The following DSCAM variants were observed in gnomAD, a reference collection of about 807,000 sequenced individuals.
DSCAM encodes cell adhesion molecule DSCAM.
DSCAM carries 47 observed loss-of-function variants against 217.7 expected under a neutral mutation model. That is an observed-to-expected ratio of 0.22 (90% CI 0.17 to 0.28). DSCAM has a LOEUF of 0.28. Ranked by LOEUF, DSCAM falls within the 10% of genes least tolerant of loss-of-function variation. DSCAM has a pLI of 1.00. For synonymous variants in DSCAM, 1,056 were observed against 1,015.3 expected (o/e 1.04, Z -0.76); for missense variants, 2,080 against 2,618.3 (o/e 0.79, Z 4.49).
chr21:40,394,143 G>A (rs546527626), intron 3 of DSCAM, among the ~76,000 whole-genome samples: 1 of 152,268 alleles, frequency 6.6e-6, no homozygotes, highest in African/African-American at 2.4e-5. Flanking sequence ...TCTTGTGGGG[G>A]TCTAAATACA....
chr21:40,512,986 G>A (rs1410472419), intron 3 of DSCAM, among the ~76,000 whole-genome samples: 5 of 152,060 alleles, frequency 3.3e-5, no homozygotes, highest in African/African-American at 1.2e-4. Flanking sequence ...CGCAACCTCC[G>A]CCTCCCGTAT....
At chr21:40,714,936 G>A (rs2146495535) in intron 1 of DSCAM, among the ~76,000 whole-genome samples, 1 of 152,294 alleles carries the variant, frequency 6.6e-6, no homozygotes, top group East Asian at 1.9e-4. Flanking sequence ...TTCATGAATG[G>A]ATTATTGTCA....
At chr21:40,843,123 G>A (rs1194284439) in intron 1 of DSCAM, among the ~76,000 whole-genome samples, 1 of 152,190 alleles carries the variant, frequency 6.6e-6, no homozygotes, top group Non-Finnish European at 1.5e-5. Context: ...TCCTTAAGGT[G>A]CATTTGTATT....
chr21:40,639,947 C>T lies in DSCAM; in HGVS notation c.508+52863G>A, dbSNP rs572728831. Among the ~76,000 whole-genome samples the T allele has an allele frequency of 2.6e-5, 4 of 152,250 alleles. No homozygotes were observed. In the South Asian group the frequency reaches 6.2e-4, roughly 24 times the overall value. On this transcript the variant is annotated intron_variant, in intron 3 of 32. Transcript: ENST00000400454. ...GCCTTGTTCTACACGGGCTCCATAT[C>T]GATTCATGGAAGTGCCATGTGTTAA...
rs575511302 is a variant in DSCAM, at chr21:40,616,769, G to C, written c.508+76041C>G. On this transcript the variant is annotated intron_variant, in intron 3 of 32. Coordinates refer to ENST00000400454, the MANE Select transcript of DSCAM (RefSeq NM_001389.5). ...GCGGTGGCTCACGCCTGTAATCCCA[G>C]CACTTTGGGAGGCCGAGGCGAGCGG... Among the ~76,000 whole-genome samples the C allele has an allele frequency of 4.5e-3, 689 of 152,246 alleles. 8 individuals are homozygous for C. Among genetic ancestry groups the C allele is most frequent in the African/African-American group, 0.016 (647 of 41,572 alleles).
chr21:40,640,095 G>C (rs1181467679), intron 3 of DSCAM, among the ~76,000 whole-genome samples: 2 of 148,280 alleles, frequency 1.3e-5, no homozygotes, highest in Admixed American at 1.4e-4. Flanking sequence ...ACGCAAAGCA[G>C]GGGAAAGTGT....
At chr21:40,552,084 G>T (rs2076634571) in intron 3 of DSCAM, among the ~76,000 whole-genome samples, 1 of 152,168 alleles carries the variant, frequency 6.6e-6, no homozygotes. Context: ...GGGAGGCCGA[G>T]GTGGGCGGAT....
chr21:40,645,081 C>T (rs2089929752), intron 3 of DSCAM, among the ~76,000 whole-genome samples: 1 of 152,178 alleles, frequency 6.6e-6, no homozygotes, highest in Non-Finnish European at 1.5e-5. Context: ...AGGACACTTT[C>T]CTAGCACAGC....
At position 40,465,880 on chromosome 21, in the gene DSCAM, T is replaced by TA. The variant is rs113912367; in HGVS notation, c.509-96636dup. On this transcript the variant is annotated intron_variant, in intron 3 of 32. Coordinates refer to ENST00000400454, the MANE Select transcript of DSCAM (RefSeq NM_001389.5). ...CTTGTTTGATTATAAACACGTTTGG[T>TA]AAAAAAAAAAAAAATATTTTCAGCA... is the stretch of plus-strand genomic sequence containing the variant. Among the ~76,000 whole-genome samples the TA allele has an allele frequency of 3.0e-3, 446 of 146,324 alleles. 1 individual carries two copies. Among genetic ancestry groups the TA allele is most frequent in the South Asian group, 0.012 (56 of 4,648 alleles).
intron 3 of DSCAM, among the ~76,000 whole-genome samples, chr21:40,520,389 T>C (rs2076349370): frequency 6.6e-6 from 1 of 152,208 alleles, no homozygotes; most frequent in African/African-American, 2.4e-5. Context: ...AAATATGCTT[T>C]TCATGAAAGT....
intron 1 of DSCAM, among the ~76,000 whole-genome samples, chr21:40,808,369 TA>T (rs1237983688): frequency 6.6e-6 from 1 of 151,636 alleles, no homozygotes; most frequent in African/African-American, 2.4e-5. Context: ...AGAGAAGTGA[TA>T]AAAGTGCAGC....
intron 2 of DSCAM, among the ~76,000 whole-genome samples, chr21:40,698,651 C>G (rs943555594): frequency 5.9e-5 from 9 of 152,064 alleles, no homozygotes; most frequent in South Asian, 2.1e-4. Context: ...GGGCAGATCA[C>G]CTGAGGTCAG....
chr21:40,048,011 A>G (rs1248815652), intron 30 of DSCAM, among the ~76,000 whole-genome samples: 1 of 152,168 alleles, frequency 6.6e-6, no homozygotes, highest in East Asian at 1.9e-4. Flanking sequence ...GGCCATGTAG[A>G]ATGACTGAGA....
intron 3 of DSCAM, among the ~76,000 whole-genome samples, chr21:40,634,050 T>C (rs2146323960): frequency 6.6e-6 from 1 of 152,318 alleles, no homozygotes; most frequent in Non-Finnish European, 1.5e-5. Context: ...CTAGCAGCTA[T>C]TTATTCCTTA....
In DSCAM at chr21:40,378,705, C is replaced by A. The variant is rs575677549; in HGVS notation, c.509-9460G>T. ...CTCCCAGGTTCACGCCATTCTCCTG[C>A]CTCAGCCTCCCGAGTAGCTGGGACT... On this transcript the variant is annotated intron_variant, in intron 3 of 32. Transcript: ENST00000400454. Among the ~76,000 whole-genome samples the A allele has an allele frequency of 9.3e-3, 1,410 of 151,186 alleles. 10 individuals carry two copies. Among genetic ancestry groups the A allele is most frequent in the African/African-American group, 0.033 (1,346 of 41,220 alleles).
chr21:40,451,838 T>C (rs755579569), intron 3 of DSCAM, among the ~76,000 whole-genome samples: 24 of 152,184 alleles, frequency 1.6e-4, no homozygotes, highest in Non-Finnish European at 3.1e-4. Context: ...TATATCCTAC[T>C]GCTCAAGGTC....
intron 3 of DSCAM, among the ~76,000 whole-genome samples, chr21:40,488,556 C>G (rs886722751): frequency 1.3e-5 from 2 of 151,968 alleles, no homozygotes; most frequent in African/African-American, 4.8e-5. Context: ...GACACATGCA[C>G]AGTCAAGAAG....
chr21:40,307,989 C>T (rs763007040), intron 9 of DSCAM, among the ~76,000 whole-genome samples: 9 of 151,066 alleles, frequency 6.0e-5, no homozygotes, highest in Non-Finnish European at 8.8e-5. Context: ...TGCTAGATGA[C>T]GAGTTGATGG....
intron 3 of DSCAM, among the ~76,000 whole-genome samples, chr21:40,573,170 T>C (rs1432197828): frequency 3.3e-5 from 5 of 152,122 alleles, no homozygotes; most frequent in Non-Finnish European, 5.9e-5. Flanking sequence ...ACCCCGTCTC[T>C]ACTAAAAATA....
Sources: gnomAD v4.1 joint callset for allele counts (sites outside exome capture counted in the v4.1 genomes callset) on GRCh38, gnomAD v4.1.1 for gene constraint, MANE v1.5 for transcripts, NCBI Gene and HGNC (gene_info 2026-07-23, HGNC 2026-07-21) for gene names.